The following PHKB variants were observed in gnomAD, a reference collection of about 807,000 sequenced individuals.
The protein encoded by PHKB is phosphorylase b kinase regulatory subunit beta.
In PHKB, 122 loss-of-function variants were observed where a neutral mutation model predicts 152.1. The ratio of observed to expected loss-of-function variants is 0.80; its 90% CI spans 0.69 to 0.93. The LOEUF is 0.93. PHKB is among the 40% of genes least tolerant of loss of function. PHKB has a pLI of 0.00. For synonymous variants in PHKB, 436 were observed against 464.9 expected (o/e 0.94, Z 0.80); for missense variants, 1,304 against 1,328.4 (o/e 0.98, Z 0.29).
At chr16:47,493,005 G>A (rs1970175966) in intron 1 of PHKB, among the ~76,000 whole-genome samples, 1 of 152,208 alleles carries the variant, frequency 6.6e-6, no homozygotes, top group Non-Finnish European at 1.5e-5. Context: ...TCTCAGCAAA[G>A]CCAAAGTCTT....
chr16:47,497,282 C>T, intron 1 of PHKB, 117 bp from the exon 2 acceptor site: 1 of 703,456 alleles, frequency 1.4e-6, no homozygotes, highest in Non-Finnish European at 2.5e-6. Flanking sequence ...AAGTATGGTA[C>T]TTCACATAAA....
chr16:47,566,877 T>C (rs763882829), intron 7 of PHKB: 15 of 693,876 alleles, frequency 2.2e-5, no homozygotes, highest in Non-Finnish European at 4.0e-5. Flanking sequence ...CTTATTCTTC[T>C]TTTTTGCTTA....
At chr16:47,533,041 G>A (rs1970888777) in intron 6 of PHKB, among the ~76,000 whole-genome samples, 1 of 152,132 alleles carries the variant, frequency 6.6e-6, no homozygotes, top group Admixed American at 6.5e-5. Flanking sequence ...ACCATGGAGT[G>A]GGAAGCTCCC....
intron 25 of PHKB, chr16:47,665,860 A>T: frequency 1.1e-6 from 1 of 934,428 alleles, no homozygotes; most frequent in Non-Finnish European, 1.8e-6. Context: ...TGTATATTTT[A>T]AAGACTACCC....
chr16:47,507,736 T>G (rs1435143436), intron 4 of PHKB, among the ~76,000 whole-genome samples: 4 of 152,216 alleles, frequency 2.6e-5, no homozygotes, highest in Non-Finnish European at 5.9e-5. Flanking sequence ...AGACCATTAA[T>G]GTAAATATGA....
chr16:47,669,337 G>A lies in PHKB; in HGVS notation c.2550G>A (p.Gln850=), dbSNP rs1210454950. 1.2e-6 allele frequency: 2 copies of A among 1,614,028 alleles called. No individual in the cohort carries two copies. Among genetic ancestry groups the A allele is most frequent in the African/African-American group, 1.3e-5 (1 of 74,930 alleles). Residue 850 remains glutamine (Q), a synonymous_variant, in exon 26 of 31, where the codon CAG becomes CAA. Transcript: ENST00000323584. ...NTHDEREAVI[Q]QELVIHIGWI... ...ATGATGAGAGGGAAGCGGTCATTCAGCAAGAACTGGTCATCCATATTGGCT... is the reference window on the plus strand; with the variant it reads ...ATGATGAGAGGGAAGCGGTCATTCAACAAGAACTGGTCATCCATATTGGCT...
chr16:47,501,398 C>G lies in PHKB; in HGVS notation c.305+1504C>G, dbSNP rs183991114. On this transcript the variant is annotated intron_variant, in intron 3 of 30. Coordinates refer to ENST00000323584, the MANE Select transcript of PHKB (RefSeq NM_000293.3). Reference sequence around the variant, plus strand: ...TGCAATACATGATCCTTAATTGGGTCATGCATTTAAAAATACTGTAAAGTA... The same window carrying G: ...TGCAATACATGATCCTTAATTGGGTGATGCATTTAAAAATACTGTAAAGTA... Among the ~76,000 whole-genome samples, 95 of 152,158 alleles carry G rather than the reference C, an allele frequency of 6.2e-4. 1 individual carries two copies. Among genetic ancestry groups the G allele is most frequent in the Non-Finnish European group, 7.4e-5 (5 of 67,968 alleles).
At chr16:47,464,565 G>C (rs1436533299) in intron 1 of PHKB, among the ~76,000 whole-genome samples, 1 of 152,114 alleles carries the variant, frequency 6.6e-6, no homozygotes, top group Non-Finnish European at 1.5e-5. Context: ...TTGAGAGCTG[G>C]ATGAAAGCTA....
chr16:47,463,810 C>T, intron 1 of PHKB: 1 of 824,948 alleles, frequency 1.2e-6, no homozygotes. Flanking sequence ...TTGCATACTG[C>T]ATCATGTTAA....
intron 6 of PHKB, among the ~76,000 whole-genome samples, chr16:47,538,511 G>A (rs1276580678): frequency 6.6e-6 from 1 of 152,202 alleles, no homozygotes; most frequent in Non-Finnish European, 1.5e-5. Context: ...TTTCTGTGAG[G>A]CCTTAACACC....
At chr16:47,665,278 A>G (rs1353976000) in intron 25 of PHKB, 10 of 334,576 alleles carry the variant, frequency 3.0e-5, no homozygotes, top group South Asian at 2.4e-4. Context: ...TTCCACGAGA[A>G]TTTTTACTTT....
In PHKB at chr16:47,674,291, A is replaced by ACCT. The variant is rs1597169038; in HGVS notation, c.2630+4875_2630+4876insCTC. 2.0e-5 allele frequency among the ~76,000 whole-genome samples: 3 copies of ACCT among 152,154 alleles called. No homozygotes were observed. The South Asian group carries it at 6.2e-4, about 31-fold the overall frequency. Reference sequence around the variant, plus strand: ...ATGAGATTTTGCACCTTTATTCATCACAAGGCAGAGAAAATGGGATGATTC... The same window carrying ACCT: ...ATGAGATTTTGCACCTTTATTCATCACCTCAAGGCAGAGAAAATGGGATGATTC... On this transcript the variant is annotated intron_variant, in intron 26 of 30. Transcript: ENST00000323584.
intron 26 of PHKB, among the ~76,000 whole-genome samples, chr16:47,685,427 A>G (rs535763170): frequency 1.3e-5 from 2 of 152,322 alleles, no homozygotes; most frequent in African/African-American, 4.8e-5. Flanking sequence ...TCCTCCTCAA[A>G]AAGAAAAAAA....
At position 47,696,483 on chromosome 16, in the gene PHKB, G is replaced by A; in HGVS notation, c.2998G>A (p.Val1000Ile). The A allele has an allele frequency of 6.6e-7, 1 of 1,513,514 alleles. No homozygotes were observed. The highest frequency in any genetic ancestry group is 9.2e-7 in the Non-Finnish European group (1 of 1,088,304). 93.8% of individuals were successfully genotyped at this position (1,513,514 alleles called of 1,614,324 possible). ...IDQPQYRQIV[V>I]ELLMVVSIVL... is the part of the protein sequence containing the mutation. ...CCAGCCACAGTACAGACAGATCGTT[G>A]TAGAGGTGAGTAGTAAGAAATGAAG... The change falls in exon 29 of 31, where the codon GTA becomes ATA. Residue 1000 changes from valine to isoleucine, a missense_variant. Physicochemically the swap from Val to Ile is conservative, Grantham distance 29. Coordinates refer to ENST00000323584, the MANE Select transcript of PHKB (RefSeq NM_000293.3).
chr16:47,634,451 G>T (rs554065820), intron 14 of PHKB, among the ~76,000 whole-genome samples: 122 of 152,302 alleles, frequency 8.0e-4, no homozygotes, highest in Admixed American at 1.6e-3. Context: ...CAAGTTCCCT[G>T]CCCTCAGGGA....
intron 14 of PHKB, among the ~76,000 whole-genome samples, chr16:47,633,311 T>G (rs1463716454): frequency 6.6e-6 from 1 of 151,970 alleles, no homozygotes; most frequent in Non-Finnish European, 1.5e-5. Context: ...TAACCAGCAA[T>G]ACTAAAAAAA....
At position 47,664,890 on chromosome 16, in the gene PHKB, C is replaced by T. The variant is rs759094998; in HGVS notation, c.2342C>T (p.Ala781Val). The T allele has an allele frequency of 2.0e-5, 33 of 1,610,994 alleles. No homozygotes were observed. The highest frequency in any genetic ancestry group is 3.3e-5 in the Admixed American group (2 of 59,904). The change falls in exon 25 of 31, where the codon GCG becomes GTG. Residue 781 changes from alanine to valine, a missense_variant. By Grantham distance (64) the Ala-to-Val change is moderately conservative. Transcript: ENST00000323584. ...CTTTCCACTGACACACCCAGGTTGG[C>T]GGTGCGCTACGGGGCTGCATTTACC... is the stretch of plus-strand genomic sequence containing the variant. ...RRAGSQKLWL[A>V]VRYGAAFTQK...
chr16:47,528,991 G>C (rs1385216637), intron 6 of PHKB, among the ~76,000 whole-genome samples: 1 of 152,064 alleles, frequency 6.6e-6, no homozygotes, highest in Admixed American at 6.5e-5. Context: ...ACCATGCCTG[G>C]CCAGGATTTA....
chr16:47,648,379 T>A (rs1336034948), intron 16 of PHKB, among the ~76,000 whole-genome samples, 154 bp from the exon 17 acceptor site: 1 of 152,206 alleles, frequency 6.6e-6, no homozygotes, highest in Non-Finnish European at 1.5e-5. Context: ...TAAGTTGACA[T>A]CTTTGGTTAG....
Sources: gnomAD v4.1 joint callset for allele counts (sites outside exome capture counted in the v4.1 genomes callset) on GRCh38, gnomAD v4.1.1 for gene constraint, MANE v1.5 for transcripts, NCBI Gene and HGNC (gene_info 2026-07-23, HGNC 2026-07-21) for gene names.